Variants in FBXL7 observed in about 807,000 individuals in gnomAD.
FBXL7 encodes F-box and leucine rich repeat protein 7.
In FBXL7, 12 loss-of-function variants were observed where a neutral mutation model predicts 38.3. The ratio of observed to expected loss-of-function variants is 0.31; its 90% CI spans 0.20 to 0.51. The LOEUF (loss-of-function observed/expected upper bound fraction) is 0.51. Ranked by LOEUF, FBXL7 falls within the 20% of genes least tolerant of loss-of-function variation. The probability of loss-of-function intolerance (pLI) is 0.98; values close to 1 mark genes in which losing one functional copy is unlikely to be tolerated. For synonymous variants in FBXL7, 297 were observed against 300.9 expected, an observed-to-expected ratio of 0.99 and a Z score of 0.13; for missense variants, 567 against 676.4, an observed-to-expected ratio of 0.84 and a Z score of 1.79.
At position 15,629,379 on chromosome 5, in the gene FBXL7, T is replaced by A. The variant is rs113527461; in HGVS notation, c.127+13307T>A. ...AAAGTTAGAGCTAGAGACTATGTGC[T>A]GATTTAAGGAAGCAGTACACATTGA... On this transcript the variant is annotated intron_variant, in intron 2 of 3. Coordinates refer to ENST00000504595, the MANE Select transcript of FBXL7 (RefSeq NM_012304.5). 4.9e-3 allele frequency among the ~76,000 whole-genome samples: 741 copies of A among 152,324 alleles called. 5 individuals are homozygous for A. Among genetic ancestry groups the A allele is most frequent in the African/African-American group, 0.017 (720 of 41,580 alleles).
At chr5:15,721,995 C>T (rs1744207423) in intron 2 of FBXL7, among the ~76,000 whole-genome samples, 1 of 152,080 alleles carries the variant, frequency 6.6e-6, no homozygotes, top group Non-Finnish European at 1.5e-5. Flanking sequence ...CCACCACAGT[C>T]GGCTAATTTT....
chr5:15,649,819 A>G (rs1400533103), intron 2 of FBXL7, among the ~76,000 whole-genome samples: 1 of 151,204 alleles, frequency 6.6e-6, no homozygotes, highest in Non-Finnish European at 1.5e-5. Context: ...GATTATCTCT[A>G]ATTTCTTTGA....
At chr5:15,666,510 C>T (rs979140350) in intron 2 of FBXL7, among the ~76,000 whole-genome samples, 10 of 152,182 alleles carry the variant, frequency 6.6e-5, no homozygotes, top group African/African-American at 2.4e-4. Flanking sequence ...CACTTTCACA[C>T]CATCCCTTAA....
At chr5:15,680,728 T>C (rs899152280) in intron 2 of FBXL7, among the ~76,000 whole-genome samples, 7 of 152,214 alleles carry the variant, frequency 4.6e-5, no homozygotes, top group African/African-American at 1.7e-4. Context: ...TGTGAATTTC[T>C]GAAAAAAGTT....
At chr5:15,503,822 T>A (rs1736567512) in intron 1 of FBXL7, among the ~76,000 whole-genome samples, 1 of 152,264 alleles carries the variant, frequency 6.6e-6, no homozygotes, top group Non-Finnish European at 1.5e-5. Context: ...TTTTACTTAT[T>A]AATGACAGTT....
chr5:15,584,893 G>C lies in FBXL7; in HGVS notation c.38-31090G>C, dbSNP rs141612812. On this transcript the variant is annotated intron_variant, in intron 1 of 3. Coordinates refer to ENST00000504595, the MANE Select transcript of FBXL7 (RefSeq NM_012304.5). ...TCATGGTGGAAGGGTAAGCAGGCAT[G>C]TCTTACATGGCAGCAGGCAGGAGAG... Among the ~76,000 whole-genome samples the C allele has an allele frequency of 3.2e-4, 49 of 152,278 alleles. 2 individuals are homozygous for C. The highest frequency in any genetic ancestry group is 3.4e-3 in the Middle Eastern group (1 of 294).
rs571236181 is a variant in FBXL7, at chr5:15,901,207, C to A, written c.128-26683C>A. On this transcript the variant is annotated intron_variant, in intron 2 of 3. Coordinates refer to ENST00000504595, the MANE Select transcript of FBXL7 (RefSeq NM_012304.5). ...GCTTATAAACAACAGAAATGTATTT[C>A]TCACAGCTGGAGGCTGAGGGGTCCA... Among the ~76,000 whole-genome samples the A allele has an allele frequency of 1.3e-4, 20 of 152,334 alleles. 1 individual carries two copies. The highest frequency in any genetic ancestry group is 2.5e-4 in the Non-Finnish European group (17 of 68,030).
rs564175526 is a variant in FBXL7, at chr5:15,877,745, A to T, written c.128-50145A>T. ...CTGTGGTACTGAGTTTCTCTTTTTA[A>T]AATAACTCATAATGCTTTCTAAATT... On this transcript the variant is annotated intron_variant, in intron 2 of 3. Transcript: ENST00000504595. Among the ~76,000 whole-genome samples the T allele has an allele frequency of 3.3e-5, 5 of 152,294 alleles. No individual in the cohort carries two copies. In the South Asian group the frequency reaches 1.0e-3, roughly 32 times the overall value.
Position 15,937,073 on chromosome 5 carries a change from G to C in FBXL7, c.1363G>C (p.Asp455His), listed in dbSNP as rs1189703248. 2 of 1,613,884 alleles carry C rather than the reference G, an allele frequency of 1.2e-6. No homozygotes were observed. The highest frequency in any genetic ancestry group is 1.3e-5 in the African/African-American group (1 of 74,940). ...GLQIVAANCFDLQTLNVQDCE... is the reference protein window; with the variant it reads ...GLQIVAANCFHLQTLNVQDCE... ...GCAGATCGTGGCCGCCAACTGCTTT[G>C]ACCTCCAGACGCTGAATGTCCAGGA... is the stretch of plus-strand genomic sequence containing the variant. Residue 455 changes from aspartate (D) to histidine (H), a missense_variant, in exon 4 of 4, where the codon GAC becomes CAC. By Grantham distance (81) the Asp-to-His change is moderately conservative. Coordinates refer to ENST00000504595, the MANE Select transcript of FBXL7 (RefSeq NM_012304.5).
intron 1 of FBXL7, among the ~76,000 whole-genome samples, chr5:15,516,397 AAT>A (rs1736937723): frequency 6.6e-6 from 1 of 152,228 alleles, no homozygotes; most frequent in African/African-American, 2.4e-5. Context: ...ACTTTGAGAA[AAT>A]ATATCAGGTG....
intron 2 of FBXL7, among the ~76,000 whole-genome samples, chr5:15,682,265 C>G (rs532759578): frequency 6.6e-6 from 1 of 152,244 alleles, no homozygotes; most frequent in African/African-American, 2.4e-5. Flanking sequence ...GAAATAATTG[C>G]CAGGTGTGAA....
chr5:15,690,304 G>A (rs1268943634), intron 2 of FBXL7, among the ~76,000 whole-genome samples: 1 of 152,010 alleles, frequency 6.6e-6, no homozygotes, highest in Non-Finnish European at 1.5e-5. Flanking sequence ...CTGTCCCTTT[G>A]GTCAATGATT....
chr5:15,848,429 T>C (rs554353037), intron 2 of FBXL7, among the ~76,000 whole-genome samples: 3 of 152,292 alleles, frequency 2.0e-5, no homozygotes, highest in African/African-American at 7.2e-5. Flanking sequence ...TCACCTAGGC[T>C]GGAGTGCAGT....
intron 2 of FBXL7, among the ~76,000 whole-genome samples, chr5:15,926,181 G>T (rs1741872184): frequency 6.6e-6 from 1 of 151,916 alleles, no homozygotes; most frequent in Non-Finnish European, 1.5e-5. Context: ...GTATATGTAT[G>T]TGTGTAAAAT....
intron 2 of FBXL7, among the ~76,000 whole-genome samples, chr5:15,833,340 C>T (rs528144575): frequency 2.6e-5 from 4 of 152,254 alleles, no homozygotes; most frequent in African/African-American, 9.6e-5. Context: ...TTGATAAGGG[C>T]ACTCGTCTCA....
intron 2 of FBXL7, among the ~76,000 whole-genome samples, chr5:15,804,635 C>T (rs1737657748): frequency 2.0e-5 from 3 of 152,274 alleles, no homozygotes; most frequent in African/African-American, 7.2e-5. Flanking sequence ...TGTTAGGAAC[C>T]AAGCTGCACA....
intron 2 of FBXL7, among the ~76,000 whole-genome samples, chr5:15,750,195 A>G (rs1736120323): frequency 6.6e-6 from 1 of 152,248 alleles, no homozygotes; most frequent in African/African-American, 2.4e-5. Flanking sequence ...TGATGCTTAT[A>G]ATCTAGTGGA....
At chr5:15,667,696 T>A (rs1345706173) in intron 2 of FBXL7, among the ~76,000 whole-genome samples, 1 of 152,204 alleles carries the variant, frequency 6.6e-6, no homozygotes, top group Non-Finnish European at 1.5e-5. Context: ...CTACTTCTCT[T>A]CTGTTCATTC....
intron 2 of FBXL7, among the ~76,000 whole-genome samples, chr5:15,789,703 A>G (rs945517653): frequency 6.6e-6 from 1 of 152,138 alleles, no homozygotes; most frequent in Non-Finnish European, 1.5e-5. Flanking sequence ...TTTGGTTCCA[A>G]TCTTCTTCCC....
Sources: gnomAD v4.1 joint callset for allele counts (sites outside exome capture counted in the v4.1 genomes callset) on GRCh38, gnomAD v4.1.1 for gene constraint, MANE v1.5 for transcripts, NCBI Gene and HGNC (gene_info 2026-07-23, HGNC 2026-07-21) for gene names.